UBE2E2: variants seen among roughly 807,000 people sequenced by gnomAD.
The protein encoded by UBE2E2 is ubiquitin conjugating enzyme E2 E2.
Under a neutral mutation model 24.7 loss-of-function variants are expected in UBE2E2, and 6 were observed. The observed-to-expected ratio is 0.24, with a 90% CI of 0.13 to 0.48. UBE2E2 has a LOEUF of 0.48. UBE2E2 is among the 20% of genes least tolerant of loss of function. UBE2E2 has a pLI of 0.99. For synonymous variants in UBE2E2, 104 were observed against 83.6 expected, an observed-to-expected ratio of 1.24 and a Z score of -1.33; for missense variants, 169 against 245.0, an observed-to-expected ratio of 0.69 and a Z score of 2.07.
At chr3:23,439,551 A>G (rs1286481859) in intron 3 of UBE2E2, among the ~76,000 whole-genome samples, 1 of 152,222 alleles carries the variant, frequency 6.6e-6, no homozygotes, top group African/African-American at 2.4e-5. Flanking sequence ...TAGGACCCCA[A>G]AGAGATTATG....
intron 5 of UBE2E2, among the ~76,000 whole-genome samples, chr3:23,568,551 G>A (rs1032473230): frequency 6.7e-6 from 1 of 149,820 alleles, no homozygotes; most frequent in African/African-American, 2.5e-5. Flanking sequence ...TTCTCTGGCT[G>A]GCAGAAACAA....
In UBE2E2 at chr3:23,488,393, G is replaced by C. The variant is rs546387959; in HGVS notation, c.228-11215G>C. 5.3e-5 allele frequency among the ~76,000 whole-genome samples: 8 copies of C among 152,170 alleles called. No individual in the cohort carries two copies. In the South Asian group the frequency reaches 1.5e-3, roughly 28 times the overall value. On this transcript the variant is annotated intron_variant, in intron 3 of 5. Transcript: ENST00000396703. ...GCCCCGCCGACAGGCCCCGATGTGT[G>C]ATGTTCCCCTCCCTGTGTCCATGTG...
At chr3:23,326,302 T>G (rs1694888965) in intron 3 of UBE2E2, among the ~76,000 whole-genome samples, 1 of 152,142 alleles carries the variant, frequency 6.6e-6, no homozygotes, top group South Asian at 2.1e-4. Context: ...AGCTACTGAC[T>G]TCAGGTGATC....
intron 3 of UBE2E2, among the ~76,000 whole-genome samples, chr3:23,243,085 CAA>C (rs559311463): frequency 2.5e-5 from 3 of 118,360 alleles, no homozygotes; most frequent in African/African-American, 3.2e-5. Context: ...GACGCTGTTT[CAA>C]AAAAAAAAAA....
At chr3:23,268,377 T>C (rs983190406) in intron 3 of UBE2E2, among the ~76,000 whole-genome samples, 10 of 152,036 alleles carry the variant, frequency 6.6e-5, no homozygotes, top group Non-Finnish European at 1.5e-4. Context: ...ACAAAATCAA[T>C]GTACAAAAAT....
At chr3:23,208,313 TCATC>T (rs1696208539) in intron 1 of UBE2E2, among the ~76,000 whole-genome samples, 2 of 152,188 alleles carry the variant, frequency 1.3e-5, no homozygotes, top group South Asian at 4.1e-4. Context: ...GTTTCAAGGT[TCATC>T]CATTTTGTAG....
At chr3:23,423,792 C>A (rs1027829293) in intron 3 of UBE2E2, among the ~76,000 whole-genome samples, 6 of 152,216 alleles carry the variant, frequency 3.9e-5, no homozygotes, top group African/African-American at 1.4e-4. Context: ...TGATAATAAA[C>A]CCTACATCTC....
Position 23,504,520 on chromosome 3 carries a change from C to T in UBE2E2, c.360+4780C>T, listed in dbSNP as rs1694385186. Among the ~76,000 whole-genome samples the T allele has an allele frequency of 2.0e-5, 3 of 152,130 alleles. No homozygotes were observed. In the South Asian group the frequency reaches 6.2e-4, roughly 31 times the overall value. ...TTTTGGTAACGATTGACAAATCGTG[C>T]TCCAGAAAAATTCTATCAGTTTACA... is the stretch of plus-strand genomic sequence containing the variant. On this transcript the variant is annotated intron_variant, in intron 4 of 5. Coordinates refer to ENST00000396703, the MANE Select transcript of UBE2E2 (RefSeq NM_152653.4).
intron 3 of UBE2E2, among the ~76,000 whole-genome samples, chr3:23,480,474 C>G (rs967474036): frequency 2.7e-4 from 41 of 152,284 alleles, no homozygotes; most frequent in African/African-American, 9.9e-4. Flanking sequence ...GCCCCGCCAG[C>G]TTAGTAGAGG....
chr3:23,477,792 C>G (rs993885329), intron 3 of UBE2E2, among the ~76,000 whole-genome samples: 1 of 152,234 alleles, frequency 6.6e-6, no homozygotes, highest in Non-Finnish European at 1.5e-5. Flanking sequence ...CCGCCATAAT[C>G]GACACATGTC....
At chr3:23,491,924 G>A (rs1420712593) in intron 3 of UBE2E2, among the ~76,000 whole-genome samples, 4 of 152,126 alleles carry the variant, frequency 2.6e-5, no homozygotes, top group Non-Finnish European at 4.4e-5. Flanking sequence ...AGATTCAACA[G>A]GATTTGGGGG....
chr3:23,362,039 C>T (rs12715047), intron 3 of UBE2E2, among the ~76,000 whole-genome samples: 64,800 of 151,936 alleles, frequency 0.43, 14,104 homozygotes, highest in Admixed American at 0.55. Flanking sequence ...AACGAATTCA[C>T]TTTAAATCAA....
At chr3:23,328,237 C>G (rs1364445981) in intron 3 of UBE2E2, among the ~76,000 whole-genome samples, 2 of 152,136 alleles carry the variant, frequency 1.3e-5, no homozygotes, top group Non-Finnish European at 2.9e-5. Context: ...ATTAGATAAT[C>G]TCTAAAAAGA....
At chr3:23,287,486 TG>T (rs1326851878) in intron 3 of UBE2E2, among the ~76,000 whole-genome samples, 1 of 152,178 alleles carries the variant, frequency 6.6e-6, no homozygotes, top group East Asian at 1.9e-4. Flanking sequence ...TAGAACAGTT[TG>T]AGTAGGATTG....
chr3:23,444,287 A>G (rs1017168496), intron 3 of UBE2E2, among the ~76,000 whole-genome samples: 1 of 152,038 alleles, frequency 6.6e-6, no homozygotes. Context: ...GTGTAGCTGC[A>G]GTCTTTGCTT....
At chr3:23,212,885 TA>T in intron 2 of UBE2E2, among the ~76,000 whole-genome samples, 1 of 152,160 alleles carries the variant, frequency 6.6e-6, no homozygotes, top group Admixed American at 6.5e-5. Flanking sequence ...ATATATAGTA[TA>T]TACCACCATT....
intron 4 of UBE2E2, among the ~76,000 whole-genome samples, chr3:23,509,686 T>G (rs1348488352): frequency 6.6e-6 from 1 of 152,034 alleles, no homozygotes; most frequent in African/African-American, 2.4e-5. Context: ...CGTTAACTCG[T>G]CCTTTACATT....
chr3:23,337,590 GAATA>G (rs1695247819), intron 3 of UBE2E2, among the ~76,000 whole-genome samples: 1 of 152,156 alleles, frequency 6.6e-6, no homozygotes, highest in Non-Finnish European at 1.5e-5. Flanking sequence ...CTTTACTGAG[GAATA>G]ATATTTAAGT....
At chr3:23,408,866 A>G (rs1253895916) in intron 3 of UBE2E2, among the ~76,000 whole-genome samples, 2 of 152,194 alleles carry the variant, frequency 1.3e-5, no homozygotes, top group Non-Finnish European at 2.9e-5. Context: ...TTTAGTATCA[A>G]ACATGAGCAA....
Sources: gnomAD v4.1 joint callset for allele counts (sites outside exome capture counted in the v4.1 genomes callset) on GRCh38, gnomAD v4.1.1 for gene constraint, MANE v1.5 for transcripts, NCBI Gene and HGNC (gene_info 2026-07-23, HGNC 2026-07-21) for gene names.